The following TTC7A variants were observed in gnomAD, a reference collection of about 807,000 sequenced individuals.
TTC7A encodes the protein tetratricopeptide repeat protein 7A.
A neutral mutation model predicts 103.7 loss-of-function variants in TTC7A; 110 were observed. The ratio of observed to expected loss-of-function variants is 1.06; its 90% confidence interval spans 0.91 to 1.24. The LOEUF (loss-of-function observed/expected upper bound fraction) is 1.24, where lower values mean the gene tolerates loss of function less well. TTC7A is among the 50% of genes most tolerant of loss of function. The pLI is 0.00. For missense variants in TTC7A, 1,340 were observed against 1,116.3 expected (o/e 1.20, Z -2.86); for synonymous variants, 521 against 467.9 (o/e 1.11, Z -1.47).
In TTC7A at chr2:46,941,493, C is replaced by T. The variant is rs1233549789; in HGVS notation, c.-49C>T. The T allele has an allele frequency of 1.3e-6, 2 of 1,525,510 alleles. No homozygotes were observed. Among genetic ancestry groups the T allele is most frequent in the Non-Finnish European group, 1.8e-6 (2 of 1,135,024 alleles). 94.5% of individuals were successfully genotyped at this position (1,525,510 alleles called of 1,614,324 possible). ...CCCCAGCCAGGACGCCGCCCCCGGC[C>T]GGGTCTCCACTTCTTGGCCGCACCT... On this transcript the variant is annotated 5_prime_UTR_variant, in exon 1 of 20. Transcript: ENST00000319190. The surrounding 1 kb of genome is among the most constrained non-coding windows in gnomAD (Gnocchi z 4.2).
chr2:47,021,900 C>G lies in TTC7A; in HGVS notation c.1431C>G (p.Ser477Arg), dbSNP rs1388371082. The G allele has an allele frequency of 3.7e-6, 6 of 1,614,076 alleles. No individual in the cohort carries two copies. The highest frequency in any genetic ancestry group is 5.1e-6 in the Non-Finnish European group (6 of 1,180,006). Reference sequence around the variant, plus strand: ...AGCACTTTGCCATGATGGTGATCAGCCTCGGAGAGGAAGCCGGGGAGTTCC... The same window carrying G: ...AGCACTTTGCCATGATGGTGATCAGGCTCGGAGAGGAAGCCGGGGAGTTCC... The part of the protein sequence containing the change: ...EAEHFAMMVI[S>R]LGEEAGEFLP... The change falls in exon 12 of 20, where the codon AGC (serine) becomes AGG (arginine). Residue 477 changes from serine to arginine, a missense_variant. Physicochemically the swap from Ser to Arg is moderately radical, Grantham distance 110. Transcript: ENST00000319190.
chr2:46,949,248 T>C (rs1386028903), intron 1 of TTC7A, among the ~76,000 whole-genome samples: 1 of 152,206 alleles, frequency 6.6e-6, no homozygotes, highest in African/African-American at 2.4e-5. Flanking sequence ...TTTATTTTTA[T>C]TTTTTGAGAC....
chr2:46,943,072 A>C (rs1426709832), intron 1 of TTC7A, among the ~76,000 whole-genome samples: 3 of 151,920 alleles, frequency 2.0e-5, no homozygotes, highest in Non-Finnish European at 4.4e-5. Context: ...TGCCCGGCTA[A>C]TTTTTGCAGT....
intron 4 of TTC7A, chr2:46,978,204 C>T (rs1297069326): frequency 1.3e-5 from 2 of 152,666 alleles, no homozygotes; most frequent in Admixed American, 1.3e-4. Flanking sequence ...AGAGTGAGTG[C>T]TCAGCATGGT....
intron 9 of TTC7A, among the ~76,000 whole-genome samples, 171 bp from the exon 10 acceptor site, chr2:47,006,470 C>T (rs1356048181): frequency 1.3e-5 from 2 of 152,192 alleles, no homozygotes; most frequent in Non-Finnish European, 2.9e-5. Flanking sequence ...GGTCACACAG[C>T]AAGCCAGGGG....
chr2:46,968,921 G>C (rs1406204124), intron 3 of TTC7A, among the ~76,000 whole-genome samples: 6 of 131,388 alleles, frequency 4.6e-5, no homozygotes, highest in African/African-American at 1.4e-4. Context: ...GGCAACCTCT[G>C]TTTTGTTTTT....
At chr2:47,013,357 G>GGT (rs1345977239) in intron 11 of TTC7A, among the ~76,000 whole-genome samples, 7 of 152,168 alleles carry the variant, frequency 4.6e-5, no homozygotes, top group African/African-American at 7.2e-5. Context: ...GTGGCCCATG[G>GGT]GTGCTGAGCA....
intron 19 of TTC7A, among the ~76,000 whole-genome samples, chr2:47,062,684 A>T (rs1313441857): frequency 6.6e-6 from 1 of 152,220 alleles, no homozygotes; most frequent in Non-Finnish European, 1.5e-5. Flanking sequence ...TCCAATAACA[A>T]GTACAATTTG....
intron 5 of TTC7A, among the ~76,000 whole-genome samples, chr2:46,989,550 C>A (rs990155713): frequency 2.6e-5 from 4 of 152,008 alleles, no homozygotes; most frequent in Admixed American, 6.6e-5. Flanking sequence ...GAGGGGCATT[C>A]TCAGGTCAGT....
chr2:47,031,302 G>A (rs890632282), intron 15 of TTC7A, among the ~76,000 whole-genome samples: 1 of 152,180 alleles, frequency 6.6e-6, no homozygotes. Context: ...TACAAGGTAA[G>A]AACATTTTAT....
At chr2:46,938,699 G>T (rs1416026097), upstream of TTC7A, among the ~76,000 whole-genome samples, 1 of 152,164 alleles carries the variant, frequency 6.6e-6, no homozygotes, top group Non-Finnish European at 1.5e-5. Context: ...CTGTGTGGTG[G>T]GTGGTTCATA....
At chr2:47,038,100 TA>T (rs200346317) in intron 15 of TTC7A, among the ~76,000 whole-genome samples, 10 of 149,906 alleles carry the variant, frequency 6.7e-5, no homozygotes, top group African/African-American at 7.4e-5. Context: ...AAAATAAATT[TA>T]AAAAAAAATA....
chr2:46,956,119 C>T lies in TTC7A; in HGVS notation c.349-720C>T, dbSNP rs564959725. ...GGGGTGATCATGGCTGACAAGACCA[C>T]TGCAGGCCCTAAGGGAGGCCCTGAG... On this transcript the variant is annotated intron_variant, in intron 2 of 19. Transcript: ENST00000319190. Among the ~76,000 whole-genome samples, 110 of 152,352 alleles carry T rather than the reference C, an allele frequency of 7.2e-4. 2 individuals are homozygous for T. The South Asian group carries it at 0.021, about 29-fold the overall frequency.
chr2:47,073,688 T>G lies in TTC7A; in HGVS notation c.2356-14T>G, dbSNP rs1684969950. The G allele has an allele frequency of 6.2e-7, 1 of 1,613,336 alleles. No individual in the cohort carries two copies. Among genetic ancestry groups the G allele is most frequent in the South Asian group, 1.1e-5 (1 of 91,050 alleles). On this transcript the variant is annotated splice_polypyrimidine_tract_variant and intron_variant, in intron 19 of 19. Coordinates refer to ENST00000319190, the MANE Select transcript of TTC7A (RefSeq NM_020458.4). ...GGACACCCCTACTCACCCTGCCCTG[T>G]GCTTCGTCCACAGGGTCTGATGCTG... is the stretch of plus-strand genomic sequence containing the variant.
chr2:46,981,761 C>CT (rs1421145566), intron 5 of TTC7A, among the ~76,000 whole-genome samples: 1 of 152,218 alleles, frequency 6.6e-6, no homozygotes, highest in East Asian at 1.9e-4. Context: ...GCCCAGGCAG[C>CT]TTTTCCATCT....
chr2:46,977,302 C>T (rs1673976735), intron 4 of TTC7A, among the ~76,000 whole-genome samples: 1 of 152,310 alleles, frequency 6.6e-6, no homozygotes, highest in South Asian at 2.1e-4. Flanking sequence ...CTGTGTGTCC[C>T]TCCTGAGACC....
chr2:47,019,342 G>A (rs1558584866), intron 11 of TTC7A, among the ~76,000 whole-genome samples: 1 of 151,872 alleles, frequency 6.6e-6, no homozygotes, highest in Non-Finnish European at 1.5e-5. Flanking sequence ...AGACCAGCCT[G>A]GGCAACATAG....
Position 47,024,215 on chromosome 2 carries a change from G to A in TTC7A, c.1569-72G>A. The A allele has an allele frequency of 2.2e-6, 3 of 1,384,256 alleles. No homozygotes were observed. In the South Asian group the frequency reaches 4.0e-5, roughly 18 times the overall value. The allele number at this position is 1,384,256 out of a possible 1,614,324, so 85.7% of individuals were successfully genotyped here. On this transcript the variant is annotated intron_variant, in intron 13 of 19. Coordinates refer to ENST00000319190, the MANE Select transcript of TTC7A (RefSeq NM_020458.4). The stretch of plus-strand genomic sequence containing the variant: ...ATAGCGCCCAGCACAGGGCTGGCAT[G>A]CTGGAGGCCCGAGTCACACGTTGGT...
chr2:47,023,876 T>C (rs4435506), intron 13 of TTC7A, among the ~76,000 whole-genome samples: 31,496 of 134,262 alleles, frequency 0.23, 3,556 homozygotes, highest in Non-Finnish European at 0.28. Flanking sequence ...ACCCACCCCT[T>C]CCACCATCCC....
Sources: allele counts gnomAD v4.1 joint callset (sites outside exome capture counted in the v4.1 genomes callset), GRCh38; gene constraint gnomAD v4.1.1; non-coding constraint Gnocchi (gnomAD v3.1); transcripts MANE v1.5; gene names NCBI Gene and HGNC (gene_info 2026-07-23, HGNC 2026-07-21).